KLF17: variants seen among roughly 807,000 people sequenced by gnomAD.
KLF17 encodes KLF transcription factor 17, also known as Krueppel-like factor 17.
Under a neutral mutation model 34.2 loss-of-function variants are expected in KLF17, and 31 were observed. That is an observed-to-expected ratio of 0.91 (90% CI 0.68 to 1.22). The LOEUF (loss-of-function observed/expected upper bound fraction) is 1.22, where lower values mean the gene tolerates loss of function less well. Among genes scored for constraint, KLF17 ranks in the 50% most tolerant of loss-of-function variants. The probability of loss-of-function intolerance (pLI) is 0.00; values close to 1 mark genes in which losing one functional copy is unlikely to be tolerated. For missense variants in KLF17, 478 were observed against 505.2 expected (o/e 0.95, Z 0.52); for synonymous variants, 179 against 186.7 (o/e 0.96, Z 0.34).
At chr1:44,069,469 CGAGAGAGA>C in the KLF17 span, among the ~76,000 whole-genome samples, 1,725 of 126,944 alleles carry the variant, frequency 0.014, 17 homozygotes, top group Middle Eastern at 0.034. The surrounding 1 kb of genome is among the most constrained non-coding windows in gnomAD (Gnocchi z 4.7). Context: ...TGTTACATGG[CGAGAGAGA>C]GAGAGAGAGA....
At chr1:44,081,855 A>C in the KLF17 span, among the ~76,000 whole-genome samples, 1 of 152,188 alleles carries the variant, frequency 6.6e-6, no homozygotes, top group East Asian at 1.9e-4. Context: ...AAATGTATCC[A>C]CTATCAATAT....
chr1:44,117,541 G>A (rs2087893405), upstream of KLF17: 1 of 149,752 alleles, frequency 6.7e-6, no homozygotes, highest in Non-Finnish European at 1.5e-5. Flanking sequence ...TGTTGCCCAG[G>A]CTGGAGTGCA....
At chr1:44,051,219 C>G in the KLF17 span, 1 of 152,418 alleles carries the variant, frequency 6.6e-6, no homozygotes, top group African/African-American at 2.4e-5. Context: ...GAGAAGCAGT[C>G]AGTGATGGAG....
At chr1:44,046,020 C>G in the KLF17 span, 1 of 151,878 alleles carries the variant, frequency 6.6e-6, no homozygotes, top group African/African-American at 2.4e-5. Flanking sequence ...TAGACGTTTT[C>G]TTAATATTTC....
intron 3 of KLF17, among the ~76,000 whole-genome samples, chr1:44,132,704 A>G (rs2088125542): frequency 6.9e-6 from 1 of 145,446 alleles, no homozygotes; most frequent in Admixed American, 7.0e-5. Flanking sequence ...GCAGATAAAG[A>G]TGAATCTCAC....
chr1:44,057,544 C>T, the KLF17 span, among the ~76,000 whole-genome samples: 1 of 152,212 alleles, frequency 6.6e-6, no homozygotes, highest in African/African-American at 2.4e-5. Flanking sequence ...TTCCCATTCA[C>T]TGCATTTATG....
chr1:44,122,864 A>G (rs964273821), intron 1 of KLF17, among the ~76,000 whole-genome samples: 10 of 152,060 alleles, frequency 6.6e-5, no homozygotes, highest in African/African-American at 2.2e-4. Flanking sequence ...CTCCCAAAGT[A>G]CTAGAATTAC....
chr1:44,131,255 A>G (rs1424833532), intron 3 of KLF17, among the ~76,000 whole-genome samples: 1 of 151,920 alleles, frequency 6.6e-6, no homozygotes, highest in Non-Finnish European at 1.5e-5. Flanking sequence ...GATGCCCTTA[A>G]CCTCTCTGGG....
At chr1:44,108,057 C>G in the KLF17 span, among the ~76,000 whole-genome samples, 1 of 152,174 alleles carries the variant, frequency 6.6e-6, no homozygotes, top group South Asian at 2.1e-4. Context: ...GAGTTGAAGG[C>G]AGTGACTGGA....
At chr1:44,091,484 T>C in the KLF17 span, among the ~76,000 whole-genome samples, 1 of 151,858 alleles carries the variant, frequency 6.6e-6, no homozygotes, top group Non-Finnish European at 1.5e-5. Flanking sequence ...GGTGAGACCC[T>C]GTTTCTACTA....
At chr1:44,127,864 G>A (rs1434702352) in intron 1 of KLF17, among the ~76,000 whole-genome samples, 1 of 113,658 alleles carries the variant, frequency 8.8e-6, no homozygotes, top group Non-Finnish European at 1.9e-5. Flanking sequence ...CAATTTTCGG[G>A]TGACTTTTTT....
Position 44,133,542 on chromosome 1 carries a change from T to C in KLF17, c.*305T>C, listed in dbSNP as rs1036384879. 2.0e-5 allele frequency: 3 copies of C among 152,244 alleles called. No homozygotes were observed. Among genetic ancestry groups the C allele is most frequent in the African/African-American group, 7.2e-5 (3 of 41,444 alleles). 9.4% of individuals were successfully genotyped at this position (152,244 alleles called of 1,614,324 possible). A position where few individuals can be genotyped will look rare whatever the true frequency, so the allele number is the denominator to read the frequency against. On this transcript the variant is annotated 3_prime_UTR_variant, in exon 4 of 4. Coordinates refer to ENST00000372299, the MANE Select transcript of KLF17 (RefSeq NM_173484.4). Reference sequence around the variant, plus strand: ...TGTCTATCTTCTGGAAACTATGGCATGGACAGTAAGGATTCAGAAGTGCAT... The same window carrying C: ...TGTCTATCTTCTGGAAACTATGGCACGGACAGTAAGGATTCAGAAGTGCAT...
chr1:44,079,024 G>A, the KLF17 span, among the ~76,000 whole-genome samples: 1 of 152,088 alleles, frequency 6.6e-6, no homozygotes, highest in Non-Finnish European at 1.5e-5. Context: ...ATAAGTCTTG[G>A]TAGCTGATAA....
chr1:44,130,036 C>G lies in KLF17; in HGVS notation c.765C>G (p.Pro255=), dbSNP rs7524274. ...SQEGPFLPEQ[P]GPAPQTVEKN... ...AAGGCCCATTTCTACCAGAGCAGCC[C>G]GGACCTGCTCCACAGACAGTAGAGA... The change falls in exon 2 of 4, where the codon CCC becomes CCG. Residue 255 remains proline, a synonymous_variant. Coordinates refer to ENST00000372299, the MANE Select transcript of KLF17 (RefSeq NM_173484.4). 1.2e-6 allele frequency: 2 copies of G among 1,614,082 alleles called. No individual in the cohort carries two copies. The highest frequency in any genetic ancestry group is 2.2e-5 in the East Asian group (1 of 44,886).
the KLF17 span, among the ~76,000 whole-genome samples, chr1:44,094,626 C>T: frequency 2.6e-5 from 4 of 152,080 alleles, no homozygotes; most frequent in Non-Finnish European, 5.9e-5. Context: ...GTTTTTAGCA[C>T]CTTTGTCAAA....
At chr1:44,070,905 T>G in the KLF17 span, among the ~76,000 whole-genome samples, 1 of 152,236 alleles carries the variant, frequency 6.6e-6, no homozygotes. Context: ...TTTATTTTAA[T>G]TTTAACATTT....
At chr1:44,087,724 TTATATATATATATATATATA>T in the KLF17 span, among the ~76,000 whole-genome samples, 12,430 of 75,004 alleles carry the variant, frequency 0.17, 1,052 homozygotes, top group South Asian at 0.24. Flanking sequence ...CCTATATATT[TTATATATATATATATATATA>T]TATATATATA....
chr1:44,135,006 C>T lies in KLF17; in HGVS notation c.*1769C>T, dbSNP rs1270491997. 1 of 151,318 alleles carries T rather than the reference C, an allele frequency of 6.6e-6. No homozygotes were observed. Among genetic ancestry groups the T allele is most frequent in the Non-Finnish European group, 1.5e-5 (1 of 67,896 alleles). The allele number at this position is 151,318 out of a possible 1,614,324, so 9.4% of individuals were successfully genotyped here. A position where few individuals can be genotyped will look rare whatever the true frequency, so the allele number is the denominator to read the frequency against. The stretch of plus-strand genomic sequence containing the variant: ...TATATCCAATTTAATAATAAATGCA[C>T]TCATGTTAGGAAGGTCAAAAAAAAG... On this transcript the variant is annotated 3_prime_UTR_variant, in exon 4 of 4. Transcript: ENST00000372299.
the KLF17 span, among the ~76,000 whole-genome samples, chr1:44,078,434 CTTCTTTTT>C: frequency 8.2e-6 from 1 of 122,034 alleles, no homozygotes; most frequent in East Asian, 2.8e-4. Flanking sequence ...GCTTTTCCTT[CTTCTTTTT>C]TTTTTTTTTT....
Sources: allele counts gnomAD v4.1 joint callset (sites outside exome capture counted in the v4.1 genomes callset), GRCh38; gene constraint gnomAD v4.1.1; non-coding constraint Gnocchi (gnomAD v3.1); transcripts MANE v1.5; gene names NCBI Gene and HGNC (gene_info 2026-07-23, HGNC 2026-07-21).